RSRP1: variants seen among roughly 807,000 people sequenced by gnomAD.
RSRP1 encodes the protein arginine/serine-rich protein 1.
In RSRP1, 37 loss-of-function variants were observed where a neutral mutation model predicts 33.0. The observed-to-expected ratio is 1.12, with a 90% CI of 0.86 to 1.48. The LOEUF is 1.48. Among genes scored for constraint, RSRP1 ranks in the 40% most tolerant of loss-of-function variants. The probability of loss-of-function intolerance (pLI) is 0.00; values close to 1 mark genes in which losing one functional copy is unlikely to be tolerated. For missense variants in RSRP1, 402 were observed against 385.3 expected, an observed-to-expected ratio of 1.04 and a Z score of -0.36; for synonymous variants, 167 against 158.7, an observed-to-expected ratio of 1.05 and a Z score of -0.40.
At position 25,311,405 on chromosome 1, in the gene RSRP1, T is replaced by G. The variant is rs563269345; in HGVS notation, c.-67+26573A>C. Among the ~76,000 whole-genome samples, 278 of 130,018 alleles carry G rather than the reference T, an allele frequency of 2.1e-3. 72 individuals carry two copies. Among genetic ancestry groups the G allele is most frequent in the Non-Finnish European group, 4.1e-3 (226 of 54,780 alleles). 85.3% of individuals were successfully genotyped at this position (130,018 alleles called of 152,430 possible). A position where few individuals can be genotyped will look rare whatever the true frequency, so the allele number is the denominator to read the frequency against. On this transcript the variant is annotated intron_variant, in intron 1 of 1. Transcript: ENST00000561867. ...CCAGGCGTGGTGGTGGGCGCCTGTA[T>G]TCCCAGCTACCTGGGAGGCTGAGGC...
At position 25,321,746 on chromosome 1, in the gene RSRP1, T is replaced by G. The variant is rs868385987; in HGVS notation, c.-67+16232A>C. ...TAAGCTGGTCCAGGAATGACAGGGCTTCCATTTATTTGTCTTTCAATTGTG... is the reference window on the plus strand; with the variant it reads ...TAAGCTGGTCCAGGAATGACAGGGCGTCCATTTATTTGTCTTTCAATTGTG... On this transcript the variant is annotated intron_variant, in intron 1 of 1. Coordinates refer to the RSRP1 transcript ENST00000561867. 8.1e-5 allele frequency: 34 copies of G among 419,708 alleles called. 5 individuals are homozygous for G. The highest frequency in any genetic ancestry group is 2.8e-4 in the East Asian group (9 of 31,762). The allele number at this position is 419,708 out of a possible 1,614,324, so 26.0% of individuals were successfully genotyped here. A position where few individuals can be genotyped will look rare whatever the true frequency, so the allele number is the denominator to read the frequency against.
intron 1 of RSRP1, among the ~76,000 whole-genome samples, chr1:25,279,491 G>A (rs1448472809): frequency 8.1e-6 from 1 of 124,056 alleles, no homozygotes; most frequent in East Asian, 2.0e-4. Context: ...AACCTAGGTA[G>A]GTAGGGTTTG....
Position 25,307,763 on chromosome 1 carries a change from T to A in RSRP1, c.-67+30215A>T. 2 of 1,305,950 alleles carry A rather than the reference T, an allele frequency of 1.5e-6. 1 individual carries two copies. Among genetic ancestry groups the A allele is most frequent in the Non-Finnish European group, 2.1e-6 (2 of 947,898 alleles). The allele number at this position is 1,305,950 out of a possible 1,614,324, so 80.9% of individuals were successfully genotyped here. A position where few individuals can be genotyped will look rare whatever the true frequency, so the allele number is the denominator to read the frequency against. On this transcript the variant is annotated intron_variant, in intron 1 of 1. Coordinates refer to the RSRP1 transcript ENST00000561867. Reference sequence around the variant, plus strand: ...GCTGCGGTTCCTACCGGTTCTTGGATGCCTTCTACAGAGACAACCATAGCC... The same window carrying A: ...GCTGCGGTTCCTACCGGTTCTTGGAAGCCTTCTACAGAGACAACCATAGCC...
rs1251454586 is a variant in RSRP1, at chr1:25,306,319, C to T, written c.-67+31659G>A. On this transcript the variant is annotated intron_variant, in intron 1 of 1. Transcript: ENST00000561867. ...CAGTGTCTACACTAGACCCTTGCTACTCATAGTGTGGTCCGTAGACCAGCA... is the reference window on the plus strand; with the variant it reads ...CAGTGTCTACACTAGACCCTTGCTATTCATAGTGTGGTCCGTAGACCAGCA... 6.4e-4 allele frequency among the ~76,000 whole-genome samples: 85 copies of T among 132,110 alleles called. 25 individuals carry two copies. The highest frequency in any genetic ancestry group is 3.7e-3 in the Admixed American group (51 of 13,690). 86.7% of individuals were successfully genotyped at this position (132,110 alleles called of 152,430 possible).
At chr1:25,285,903 G>A (rs575530920) in intron 1 of RSRP1, among the ~76,000 whole-genome samples, 1 of 134,428 alleles carries the variant, frequency 7.4e-6, no homozygotes, top group South Asian at 2.2e-4. Flanking sequence ...TAAACCTCTG[G>A]GCACTGCTGT....
intron 1 of RSRP1, among the ~76,000 whole-genome samples, chr1:25,291,173 C>T (rs1332720005): frequency 1.2e-4 from 15 of 126,690 alleles, no homozygotes; most frequent in African/African-American, 4.2e-4. Context: ...GACAGACAGA[C>T]AGACAGACAG....
rs1382527364 is a variant in RSRP1, at chr1:25,246,626, G to GACCGGT, written c.332_337dup (p.Tyr111_Arg112dup). 3.4e-5 allele frequency: 55 copies of GACCGGT among 1,613,966 alleles called. No individual in the cohort carries two copies. The highest frequency in any genetic ancestry group is 4.2e-5 in the Non-Finnish European group (50 of 1,180,024). ...AGAGCGCGACCTGCTACGGGACCGG[G>GACCGGT]ACCGGTACCGCGAAGGAGACCGGTA... On this transcript the variant is annotated inframe_insertion, in exon 2 of 5. Coordinates refer to ENST00000243189, the MANE Select transcript of RSRP1 (RefSeq NM_020317.5).
At chr1:25,260,276 T>C (rs1034709452) in intron 1 of RSRP1, among the ~76,000 whole-genome samples, 3 of 152,174 alleles carry the variant, frequency 2.0e-5, no homozygotes, top group African/African-American at 7.2e-5. Context: ...AAAATAAAAA[T>C]GAACAAGCCA....
At position 25,242,508 on chromosome 1, in the gene RSRP1, A is replaced by C; in HGVS notation, c.*81T>G. ...ATGCACAAGTACCCCTGAATGGCTC[A>C]AAGGGATGGGATAATGCTAGAAACA... On this transcript the variant is annotated 3_prime_UTR_variant, in exon 5 of 5. Transcript: ENST00000243189. 2.3e-6 allele frequency: 2 copies of C among 851,398 alleles called. No homozygotes were observed. Among genetic ancestry groups the C allele is most frequent in the East Asian group, 2.5e-5 (1 of 40,716 alleles). 52.7% of individuals were successfully genotyped at this position (851,398 alleles called of 1,614,324 possible). A position where few individuals can be genotyped will look rare whatever the true frequency, so the allele number is the denominator to read the frequency against.
rs530146465 is a variant in RSRP1, at chr1:25,281,094, C to T, written c.-66-34065G>A. 3.0e-5 allele frequency among the ~76,000 whole-genome samples: 4 copies of T among 132,624 alleles called. No homozygotes were observed. The East Asian group carries it at 7.8e-4, about 26-fold the overall frequency. The allele number at this position is 132,624 out of a possible 152,430, so 87.0% of individuals were successfully genotyped here. The stretch of plus-strand genomic sequence containing the variant: ...ACTGAGGCCTAAAGAGGGTAATGGA[C>T]TTGCCTAAGATCACTTAGTGAGGTG... On this transcript the variant is annotated intron_variant, in intron 1 of 1. Transcript: ENST00000561867.
At chr1:25,270,087 G>T (rs1471345073) in intron 1 of RSRP1, among the ~76,000 whole-genome samples, 1 of 131,898 alleles carries the variant, frequency 7.6e-6, no homozygotes, top group African/African-American at 2.6e-5. Context: ...ATCCCACTGC[G>T]CAGAGGAGTT....
chr1:25,276,427 A>C lies in RSRP1; in HGVS notation c.-66-29398T>G, dbSNP rs527934912. Among the ~76,000 whole-genome samples the C allele has an allele frequency of 3.2e-5, 4 of 125,962 alleles. No homozygotes were observed. The South Asian group carries it at 7.3e-4, about 23-fold the overall frequency. The allele number at this position is 125,962 out of a possible 152,430, so 82.6% of individuals were successfully genotyped here. On this transcript the variant is annotated intron_variant, in intron 1 of 1. Transcript: ENST00000561867. ...CTGTAATAGTTAATTAAAAAAAAAA[A>C]AAAACACCCTGGCTGAGCATTTAGG...
In RSRP1 at chr1:25,290,899, C is replaced by T; in HGVS notation, c.-66-43870G>A. On this transcript the variant is annotated intron_variant, in intron 1 of 1. Coordinates refer to the RSRP1 transcript ENST00000561867. The stretch of plus-strand genomic sequence containing the variant: ...TAAAGACAACCTGTAATCCCAGCTA[C>T]TTGGGAGGTTGAGGAGGGAAGATCA... The T allele has an allele frequency of 5.2e-6, 6 of 1,153,574 alleles. No homozygotes were observed. In the Admixed American group the frequency reaches 7.4e-5, roughly 14 times the overall value. 71.5% of individuals were successfully genotyped at this position (1,153,574 alleles called of 1,614,324 possible). A position where few individuals can be genotyped will look rare whatever the true frequency, so the allele number is the denominator to read the frequency against.
intron 1 of RSRP1, chr1:25,335,251 C>CA (rs2124214258): frequency 7.5e-5 from 1 of 13,338 alleles, no homozygotes; most frequent in East Asian, 6.5e-4. Context: ...CGTGCAGGGG[C>CA]AAAATGCCGC....
intron 1 of RSRP1, among the ~76,000 whole-genome samples, chr1:25,261,490 C>T (rs1640148053): frequency 6.6e-6 from 1 of 150,820 alleles, no homozygotes; most frequent in African/African-American, 2.4e-5. Context: ...CTGCAATCTC[C>T]GCCTCCCAGG....
intron 3 of RSRP1, 151 bp downstream of exon 3, chr1:25,244,999 C>G: frequency 1.3e-6 from 2 of 1,534,104 alleles, no homozygotes; most frequent in Non-Finnish European, 1.7e-6. Flanking sequence ...ATGGGTTTGA[C>G]ATTGCCTATC....
At chr1:25,254,766 G>T (rs1246897925) in intron 1 of RSRP1, among the ~76,000 whole-genome samples, 2 of 152,090 alleles carry the variant, frequency 1.3e-5, no homozygotes, top group African/African-American at 2.4e-5. Flanking sequence ...TCAGCTTTGG[G>T]GGGTGTCTAC....
At chr1:25,261,366 T>C (rs904081706) in intron 1 of RSRP1, among the ~76,000 whole-genome samples, 1 of 152,130 alleles carries the variant, frequency 6.6e-6, no homozygotes, top group African/African-American at 2.4e-5. Context: ...CCAGATTTAC[T>C]ATCACAAAGA....
rs1466491174 is a variant in RSRP1, at chr1:25,306,231, C to A, written c.-67+31747G>T. On this transcript the variant is annotated intron_variant, in intron 1 of 1. Transcript: ENST00000561867. ...TCGTGGGGAGAGACCAGGGATGCTG[C>A]TTAACATCCTACAGTACACAGGGCA... Among the ~76,000 whole-genome samples, 2 of 131,640 alleles carry A rather than the reference C, an allele frequency of 1.5e-5. 1 individual carries two copies. The allele number at this position is 131,640 out of a possible 152,430, so 86.4% of individuals were successfully genotyped here.
Sources: gnomAD v4.1 joint callset for allele counts (sites outside exome capture counted in the v4.1 genomes callset) on GRCh38, gnomAD v4.1.1 for gene constraint, MANE v1.5 for transcripts, NCBI Gene and HGNC (gene_info 2026-07-23, HGNC 2026-07-21) for gene names.